Variants in WWOX observed in about 807,000 individuals in gnomAD.
The protein encoded by WWOX is WW domain-containing oxidoreductase.
WWOX carries 69 observed loss-of-function variants against 46.2 expected under a neutral mutation model. That is an observed-to-expected ratio of 1.49 (90% CI 1.23 to 1.82). The LOEUF (loss-of-function observed/expected upper bound fraction) is 1.82, where lower values mean the gene tolerates loss of function less well. Among genes scored for constraint, WWOX ranks in the 40% most tolerant of loss-of-function variants. The pLI, the probability that WWOX is intolerant of heterozygous loss-of-function variation, is 0.00. For synonymous variants in WWOX, 359 were observed against 202.6 expected (o/e 1.77, Z -6.56); for missense variants, 919 against 542.6 (o/e 1.69, Z -6.89).
intron 8 of WWOX, among the ~76,000 whole-genome samples, chr16:79,150,646 T>A (rs552710965): frequency 2.0e-5 from 3 of 152,320 alleles, no homozygotes; most frequent in Middle Eastern, 3.4e-3. Flanking sequence ...CATATATTTT[T>A]AAATATTAAA....
intron 8 of WWOX, among the ~76,000 whole-genome samples, chr16:78,562,359 A>G (rs571381220): frequency 2.8e-4 from 43 of 152,300 alleles, no homozygotes; most frequent in Admixed American, 7.2e-4. Context: ...GTTGTGTGTT[A>G]CTATACGATC....
intron 8 of WWOX, among the ~76,000 whole-genome samples, chr16:78,771,818 T>C (rs544887834): frequency 7.4e-4 from 111 of 151,000 alleles, no homozygotes; most frequent in Non-Finnish European, 1.4e-3. Context: ...TAAATAAGAG[T>C]TGGATCACAG....
At chr16:78,727,136 C>G (rs1214050377) in intron 8 of WWOX, among the ~76,000 whole-genome samples, 1 of 152,206 alleles carries the variant, frequency 6.6e-6, no homozygotes, top group Non-Finnish European at 1.5e-5. Flanking sequence ...CAGTGGCTCA[C>G]ACCTATAATG....
intron 4 of WWOX, among the ~76,000 whole-genome samples, chr16:78,163,578 C>T (rs748042957): frequency 1.3e-5 from 2 of 152,202 alleles, no homozygotes; most frequent in Non-Finnish European, 2.9e-5. Flanking sequence ...TTTTGCAGAT[C>T]TTGGCCCCCA....
chr16:79,040,182 G>A (rs370607946), intron 8 of WWOX, among the ~76,000 whole-genome samples: 113 of 152,102 alleles, frequency 7.4e-4, no homozygotes, highest in African/African-American at 2.6e-3. Flanking sequence ...GAAAATGATA[G>A]CGTTCATCCT....
chr16:78,862,611 C>G (rs745403798), intron 8 of WWOX, among the ~76,000 whole-genome samples: 2 of 152,094 alleles, frequency 1.3e-5, no homozygotes, highest in African/African-American at 4.8e-5. Flanking sequence ...CAGTTCATGT[C>G]TGAGTCTGAG....
At chr16:78,752,011 G>A (rs1567535949) in intron 8 of WWOX, among the ~76,000 whole-genome samples, 1 of 151,706 alleles carries the variant, frequency 6.6e-6, no homozygotes, top group Non-Finnish European at 1.5e-5. Context: ...CTTTAAATAA[G>A]GAGGAGGATG....
At chr16:78,316,681 C>G (rs915024323) in intron 5 of WWOX, among the ~76,000 whole-genome samples, 1 of 152,112 alleles carries the variant, frequency 6.6e-6, no homozygotes, top group African/African-American at 2.4e-5. Flanking sequence ...GACTTGTTAA[C>G]TTCTGTATTG....
In WWOX at chr16:78,814,172, G is replaced by C. The variant is rs562212434; in HGVS notation, c.1056+381420G>C. Among the ~76,000 whole-genome samples the C allele has an allele frequency of 1.8e-3, 280 of 152,300 alleles. 1 individual carries two copies. Among genetic ancestry groups the C allele is most frequent in the African/African-American group, 6.4e-3 (265 of 41,566 alleles). On this transcript the variant is annotated intron_variant, in intron 8 of 8. Transcript: ENST00000566780. ...CTCCCGCTGCCGGCAAGCGGAGTCA[G>C]TTACTGGGAAGCCATAATAATTCTG...
chr16:78,323,265 C>G (rs62034375), intron 5 of WWOX, among the ~76,000 whole-genome samples: 18,773 of 152,044 alleles, frequency 0.12, 1,479 homozygotes, highest in East Asian at 0.23. Context: ...CGCCACCATG[C>G]CCGGCTAATT....
chr16:79,006,351 G>A (rs1377592251), intron 8 of WWOX, among the ~76,000 whole-genome samples: 3 of 152,158 alleles, frequency 2.0e-5, no homozygotes, highest in Admixed American at 1.3e-4. Context: ...GCAGGTTAGA[G>A]TGTCTGCATG....
intron 7 of WWOX, among the ~76,000 whole-genome samples, chr16:78,428,805 G>C (rs2083148293): frequency 6.6e-6 from 1 of 152,160 alleles, no homozygotes; most frequent in Non-Finnish European, 1.5e-5. Context: ...CTCAGGAGTT[G>C]AGATTAGCAT....
At chr16:78,284,159 T>C (rs2079730481) in intron 5 of WWOX, among the ~76,000 whole-genome samples, 1 of 152,324 alleles carries the variant, frequency 6.6e-6, no homozygotes, top group South Asian at 2.1e-4. Flanking sequence ...GTAGGGTCAC[T>C]GGTTTAAGGG....
At chr16:78,206,118 G>C (rs976611964) in intron 5 of WWOX, among the ~76,000 whole-genome samples, 3 of 151,902 alleles carry the variant, frequency 2.0e-5, no homozygotes, top group African/African-American at 7.3e-5. Context: ...GAATGTCTAG[G>C]CTAAGGAGTT....
At chr16:78,749,426 G>A (rs2049425677) in intron 8 of WWOX, among the ~76,000 whole-genome samples, 2 of 152,182 alleles carry the variant, frequency 1.3e-5, no homozygotes, top group South Asian at 4.1e-4. Flanking sequence ...TTAAAAGAGA[G>A]AAAGAGAGAG....
intron 8 of WWOX, among the ~76,000 whole-genome samples, chr16:78,780,874 G>C (rs1271383191): frequency 2.6e-5 from 4 of 152,220 alleles, no homozygotes; most frequent in African/African-American, 4.8e-5. Flanking sequence ...AAGCAGGGCA[G>C]TGATGTTTTT....
At chr16:78,840,671 T>G (rs2052115539) in intron 8 of WWOX, among the ~76,000 whole-genome samples, 1 of 152,094 alleles carries the variant, frequency 6.6e-6, no homozygotes, top group African/African-American at 2.4e-5. Flanking sequence ...TCTGATTCAG[T>G]AGGTCTAGGT....
chr16:79,011,855 T>C (rs1232048638), intron 8 of WWOX, among the ~76,000 whole-genome samples: 2 of 152,138 alleles, frequency 1.3e-5, no homozygotes, highest in East Asian at 3.9e-4. Flanking sequence ...GGTCTCACTA[T>C]GTTCTTCAGG....
At chr16:78,265,296 A>C (rs1407369779) in intron 5 of WWOX, among the ~76,000 whole-genome samples, 1 of 152,072 alleles carries the variant, frequency 6.6e-6, no homozygotes, top group Non-Finnish European at 1.5e-5. Context: ...CACCCAGCCA[A>C]GAAATTAATT....
Sources: gnomAD v4.1 joint callset for allele counts (sites outside exome capture counted in the v4.1 genomes callset) on GRCh38, gnomAD v4.1.1 for gene constraint, MANE v1.5 for transcripts, NCBI Gene and HGNC (gene_info 2026-07-23, HGNC 2026-07-21) for gene names.